The following DLC1 variants were observed in gnomAD, a reference collection of about 807,000 sequenced individuals.
DLC1 encodes the protein rho GTPase-activating protein 7.
A neutral mutation model predicts 140.3 loss-of-function variants in DLC1; 54 were observed. That is an observed-to-expected ratio of 0.38 (90% CI 0.31 to 0.48). DLC1 has a LOEUF of 0.48. Among genes scored for constraint, DLC1 ranks in the 20% least tolerant of loss-of-function variants. DLC1 has a pLI of 0.96. For synonymous variants in DLC1, 986 were observed against 728.1 expected (o/e 1.35, Z -5.70); for missense variants, 2,536 against 1,907.0 (o/e 1.33, Z -6.14).
At chr8:13,379,495 T>G (rs1015290051) in intron 4 of DLC1, among the ~76,000 whole-genome samples, 4 of 152,228 alleles carry the variant, frequency 2.6e-5, no homozygotes, top group East Asian at 1.9e-4. Flanking sequence ...ACAAAGCCTA[T>G]TTTGTAAGTG....
intron 5 of DLC1, among the ~76,000 whole-genome samples, chr8:13,219,548 A>C (rs971297880): frequency 1.3e-5 from 2 of 151,156 alleles, no homozygotes; most frequent in African/African-American, 2.4e-5. Context: ...TTATATTTAT[A>C]CATCTAAATT....
chr8:13,445,947 C>A (rs1022696446), intron 2 of DLC1, among the ~76,000 whole-genome samples: 1 of 152,040 alleles, frequency 6.6e-6, no homozygotes, highest in African/African-American at 2.4e-5. Context: ...CTTCGATAAC[C>A]CTAAGAAAGG....
chr8:13,490,386 C>G (rs1563392505), intron 2 of DLC1, among the ~76,000 whole-genome samples: 1 of 152,140 alleles, frequency 6.6e-6, no homozygotes, highest in African/African-American at 2.4e-5. Flanking sequence ...TAAAATAGCA[C>G]TATAATTTTC....
intron 5 of DLC1, among the ~76,000 whole-genome samples, chr8:13,251,200 G>A (rs1167977081): frequency 1.3e-5 from 2 of 152,084 alleles, no homozygotes; most frequent in African/African-American, 4.8e-5. Context: ...CCACCCTTAT[G>A]ACCTCATTTA....
intron 2 of DLC1, among the ~76,000 whole-genome samples, chr8:13,405,410 C>G (rs1012518993): frequency 2.0e-5 from 3 of 152,160 alleles, no homozygotes; most frequent in Non-Finnish European, 4.4e-5. Flanking sequence ...AAACACAATT[C>G]TTTAAGTTAC....
intron 1 of DLC1, among the ~76,000 whole-genome samples, chr8:13,579,218 A>C (rs1475311047): frequency 8.9e-6 from 1 of 112,198 alleles, no homozygotes; most frequent in Non-Finnish European, 1.8e-5. Flanking sequence ...TAAAAGGTGT[A>C]AGGAGCTCTA....
intron 10 of DLC1, chr8:13,095,523 C>CCTG: frequency 2.7e-6 from 1 of 376,768 alleles, no homozygotes; most frequent in Non-Finnish European, 4.9e-6. Flanking sequence ...CAGTGCTGTT[C>CCTG]TAGATCTTCT....
At chr8:13,413,219 C>A (rs56092814) in intron 2 of DLC1, among the ~76,000 whole-genome samples, 1 of 131,874 alleles carries the variant, frequency 7.6e-6, no homozygotes, top group Non-Finnish European at 1.6e-5. Context: ...AACACAAATT[C>A]GTAAACTTTC....
chr8:13,177,631 A>G (rs1030064631), intron 5 of DLC1, among the ~76,000 whole-genome samples: 7 of 152,242 alleles, frequency 4.6e-5, no homozygotes, highest in Non-Finnish European at 1.0e-4. Context: ...ACATACAGCA[A>G]TACTGAGGTC....
At position 13,216,195 on chromosome 8, in the gene DLC1, C is replaced by T. The variant is rs548115715; in HGVS notation, c.1348+89074G>A. On this transcript the variant is annotated intron_variant, in intron 5 of 17. Coordinates refer to ENST00000276297, the MANE Select transcript of DLC1 (RefSeq NM_182643.3). ...GCAACAAACACAACAATAAAGTCAA[C>T]AATAATACTTTGTATTTTCAGTGAT... Among the ~76,000 whole-genome samples the T allele has an allele frequency of 5.3e-5, 8 of 152,234 alleles. No individual in the cohort carries two copies. The East Asian group carries it at 1.5e-3, about 29-fold the overall frequency.
At chr8:13,214,495 A>G (rs896254090) in intron 5 of DLC1, 1 of 665,864 alleles carries the variant, frequency 1.5e-6, no homozygotes, top group African/African-American at 1.8e-5. Flanking sequence ...TTCTCTTATC[A>G]TTGGTGAAAC....
At chr8:13,331,706 A>G (rs984222624) in intron 4 of DLC1, among the ~76,000 whole-genome samples, 1 of 152,192 alleles carries the variant, frequency 6.6e-6, no homozygotes, top group Non-Finnish European at 1.5e-5. Context: ...CAAATCCAAG[A>G]AACTTTTCAT....
chr8:13,458,135 C>G (rs1378281210), intron 2 of DLC1, among the ~76,000 whole-genome samples: 2 of 152,050 alleles, frequency 1.3e-5, no homozygotes, highest in East Asian at 1.9e-4. Context: ...AGTCTAGACA[C>G]TATAGAACAC....
chr8:13,257,262 C>T (rs1392647248), intron 5 of DLC1, among the ~76,000 whole-genome samples: 1 of 148,902 alleles, frequency 6.7e-6, no homozygotes, highest in East Asian at 2.0e-4. Context: ...ATAATGAGAC[C>T]CTGTCTCTAC....
chr8:13,187,904 T>C (rs1826479264), intron 5 of DLC1, among the ~76,000 whole-genome samples: 6 of 152,176 alleles, frequency 3.9e-5, no homozygotes, highest in Admixed American at 3.9e-4. Context: ...GGTGTCACTT[T>C]CTTATATAAG....
At chr8:13,467,503 T>A (rs1273437877) in intron 2 of DLC1, among the ~76,000 whole-genome samples, 2 of 151,832 alleles carry the variant, frequency 1.3e-5, no homozygotes, top group African/African-American at 4.8e-5. Context: ...GGCTCACACC[T>A]GTAATCCTAG....
Position 13,390,557 on chromosome 8 carries a change from C to G in DLC1, c.1314+2996G>C, listed in dbSNP as rs1197399557. Among the ~76,000 whole-genome samples, 4 of 152,236 alleles carry G rather than the reference C, an allele frequency of 2.6e-5. No individual in the cohort carries two copies. The South Asian group carries it at 8.3e-4, about 31-fold the overall frequency. ...GGTCCTTGAGGAATTAACACACTGT[C>G]TTCCACAATGGTTGAACTAATTTTC... On this transcript the variant is annotated intron_variant, in intron 4 of 17. Coordinates refer to ENST00000276297, the MANE Select transcript of DLC1 (RefSeq NM_182643.3).
At chr8:13,122,475 T>C (rs920149949) in intron 5 of DLC1, among the ~76,000 whole-genome samples, 17 of 151,786 alleles carry the variant, frequency 1.1e-4, no homozygotes, top group Non-Finnish European at 2.1e-4. Flanking sequence ...ACAGAGAGGT[T>C]GGTGTGAAGA....
intron 5 of DLC1, among the ~76,000 whole-genome samples, chr8:13,226,013 A>G (rs999559571): frequency 1.3e-5 from 2 of 152,048 alleles, no homozygotes; most frequent in Middle Eastern, 3.2e-3. Context: ...CCAGGGCTCA[A>G]TTGATCCTCC....
Sources: gnomAD v4.1 joint callset for allele counts (sites outside exome capture counted in the v4.1 genomes callset) on GRCh38, gnomAD v4.1.1 for gene constraint, MANE v1.5 for transcripts, NCBI Gene and HGNC (gene_info 2026-07-23, HGNC 2026-07-21) for gene names.